The following KIAA1614 variants were observed in gnomAD, a reference collection of about 807,000 sequenced individuals.
KIAA1614 encodes the protein KIAA1614.
Under a neutral mutation model 88.7 loss-of-function variants are expected in KIAA1614, and 76 were observed. That is an observed-to-expected ratio of 0.86 (90% CI 0.71 to 1.04). The LOEUF (loss-of-function observed/expected upper bound fraction) is 1.04, where lower values mean the gene tolerates loss of function less well. KIAA1614 is among the 50% of genes least tolerant of loss of function. The pLI is 0.00. For synonymous variants in KIAA1614, 714 were observed against 675.5 expected (o/e 1.06, Z -0.88); for missense variants, 1,553 against 1,582.5 (o/e 0.98, Z 0.32).
chr1:180,942,096 C>T (rs1258120236), intron 7 of KIAA1614, among the ~76,000 whole-genome samples: 1 of 142,266 alleles, frequency 7.0e-6, no homozygotes, highest in Non-Finnish European at 1.5e-5. Flanking sequence ...TCTCCTATGC[C>T]TCCCTCCTTT....
At chr1:180,928,340 C>G in intron 3 of KIAA1614, 90 bp from the exon 4 acceptor site, 2 of 1,346,178 alleles carry the variant, frequency 1.5e-6, no homozygotes, top group Non-Finnish European at 2.0e-6. Context: ...TCTGGCACAG[C>G]CAGTGCTTGA....
At chr1:180,939,360 A>G (rs1654403604) in intron 6 of KIAA1614, among the ~76,000 whole-genome samples, 1 of 152,194 alleles carries the variant, frequency 6.6e-6, no homozygotes, top group South Asian at 2.1e-4. Flanking sequence ...GGACATCTCC[A>G]TCAGGGGGTC....
In KIAA1614 at chr1:180,916,812, A is replaced by G. The variant is rs1653818310; in HGVS notation, c.709A>G (p.Arg237Gly). The change falls in exon 2 of 9, where the codon AGG (arginine) becomes GGG (glycine). Residue 237 changes from arginine (R) to glycine (G), a missense_variant. Arg to Gly is a moderately radical substitution (Grantham distance 125, BLOSUM62 -2). Transcript: ENST00000367588. Reference sequence around the variant, plus strand: ...CAAAATCATCCACATTCCCAGCCCAAGGACAGGAAGGTCCTACCCTTTTCC... The same window carrying G: ...CAAAATCATCCACATTCCCAGCCCAGGGACAGGAAGGTCCTACCCTTTTCC... ...CNKIIHIPSP[R>G]TGRSYPFPDG... 1 of 1,614,216 alleles carries G rather than the reference A, an allele frequency of 6.2e-7. No homozygotes were observed. Among genetic ancestry groups the G allele is most frequent in the Non-Finnish European group, 8.5e-7 (1 of 1,180,026 alleles).
At chr1:180,938,090 A>G (rs1459521152) in intron 5 of KIAA1614, among the ~76,000 whole-genome samples, 2 of 152,246 alleles carry the variant, frequency 1.3e-5, no homozygotes, top group Non-Finnish European at 2.9e-5. Context: ...AGCACATAAC[A>G]GATCTCCAGA....
At chr1:180,936,700 C>T (rs572484539) in intron 5 of KIAA1614, 30 bp downstream of exon 5, 4 of 1,418,326 alleles carry the variant, frequency 2.8e-6, no homozygotes, top group East Asian at 5.0e-5. Context: ...TCCTGCCCAG[C>T]CCAGGCCTGG....
rs752012445 is a variant in KIAA1614 at position 180,945,372 on chromosome 1, C to A, written c.3357C>A (p.Thr1119=). The A allele has an allele frequency of 1.9e-6, 3 of 1,599,140 alleles. No homozygotes were observed. The Admixed American group carries it at 5.4e-5, about 29-fold the overall frequency. The change falls in exon 9 of 9, where the codon ACC becomes ACA. Residue 1119 remains threonine, a synonymous_variant. Transcript: ENST00000367588. ...TGGGTGCTCCCAGCCTGGCTCGCAC[C>A]GTGGGCCGCCTGGTGGAGGTGTTCC... is the stretch of plus-strand genomic sequence containing the variant. ...EDVGAPSLAR[T]VGRLVEVFPD...
At chr1:180,943,037 T>TG (rs1654505952) in intron 7 of KIAA1614, among the ~76,000 whole-genome samples, 1 of 147,068 alleles carries the variant, frequency 6.8e-6, no homozygotes. Flanking sequence ...GGTTTTTTTT[T>TG]TTTTTTTAAG....
chr1:180,941,616 A>G (rs957425915), intron 7 of KIAA1614, among the ~76,000 whole-genome samples: 1 of 152,024 alleles, frequency 6.6e-6, no homozygotes, highest in African/African-American at 2.4e-5. Flanking sequence ...GGCCATAGTG[A>G]CTCTGAGCCC....
chr1:180,943,655 C>G (rs1322558295), intron 7 of KIAA1614, among the ~76,000 whole-genome samples: 3 of 146,694 alleles, frequency 2.0e-5, no homozygotes, highest in African/African-American at 7.6e-5. Context: ...TCAAGTGAGT[C>G]TCCTGCTTCA....
Position 180,935,719 on chromosome 1 carries a change from T to A in KIAA1614, c.1810T>A (p.Cys604Ser), listed in dbSNP as rs747558624. The A allele has an allele frequency of 6.2e-7, 1 of 1,613,800 alleles. No homozygotes were observed. The highest frequency in any genetic ancestry group is 1.1e-5 in the South Asian group (1 of 91,082). Reference sequence around the variant, plus strand: ...GGAAACACACATCGGAGACACCGTGTGCCCTGCGGAGGTGGACTCTGCCCT... The same window carrying A: ...GGAAACACACATCGGAGACACCGTGAGCCCTGCGGAGGTGGACTCTGCCCT... ...IRETHIGDTV[C>S]PAEVDSALDS... The change falls in exon 5 of 9, where the codon TGC becomes AGC. Residue 604 changes from cysteine to serine, a missense_variant. By Grantham distance (112) the Cys-to-Ser change is moderately radical. Transcript: ENST00000367588. This position sits in a 1 kb window ranked among gnomAD's most constrained non-coding sequence, Gnocchi z 6.1.
At chr1:180,926,550 T>C (rs1460153977) in intron 3 of KIAA1614, among the ~76,000 whole-genome samples, 1 of 151,782 alleles carries the variant, frequency 6.6e-6, no homozygotes, top group Non-Finnish European at 1.5e-5. Flanking sequence ...GGAAAATGGC[T>C]TTAAAACCTG....
At chr1:180,942,041 C>A (rs1157347047) in intron 7 of KIAA1614, among the ~76,000 whole-genome samples, 4 of 152,094 alleles carry the variant, frequency 2.6e-5, no homozygotes, top group African/African-American at 7.2e-5. Flanking sequence ...TCAGGCCGAA[C>A]TGGGGCTCCA....
rs1266099777 is a variant in KIAA1614, at chr1:180,941,070, C to A, written c.2944C>A (p.Pro982Thr). Residue 982 changes from proline to threonine, a missense_variant, in exon 7 of 9, where the codon CCC becomes ACC. Pro to Thr is a conservative substitution (Grantham distance 38). Coordinates refer to ENST00000367588, the MANE Select transcript of KIAA1614 (RefSeq NM_020950.2). ...SRASAGAGTG[P>T]GSPSAAPLDQ... is the part of the protein sequence containing the mutation. Reference sequence around the variant, plus strand: ...AGCATCAGCAGGAGCTGGCACAGGACCCGGCTCCCCCTCGGCTGCCCCTTT... The same window carrying A: ...AGCATCAGCAGGAGCTGGCACAGGAACCGGCTCCCCCTCGGCTGCCCCTTT... 1 of 1,578,440 alleles carries A rather than the reference C, an allele frequency of 6.3e-7. No homozygotes were observed. The highest frequency in any genetic ancestry group is 1.1e-5 in the South Asian group (1 of 90,510).
At position 180,948,167 on chromosome 1, in the gene KIAA1614, TC is replaced by T. The variant is rs1654639484; in HGVS notation, c.*2583del. 6.6e-6 allele frequency: 1 copy of T among 152,134 alleles called. No homozygotes were observed. Among genetic ancestry groups the T allele is most frequent in the Admixed American group, 6.5e-5 (1 of 15,278 alleles). 9.4% of individuals were successfully genotyped at this position (152,134 alleles called of 1,614,324 possible). On this transcript the variant is annotated 3_prime_UTR_variant, in exon 9 of 9. Transcript: ENST00000367588. The stretch of plus-strand genomic sequence containing the variant: ...ATGGGCGCTGGATGGCACACAGGGG[TC>T]CCCACGCACATGAAGCCTGGCGAGT...
chr1:180,919,738 C>G (rs971371910), intron 3 of KIAA1614, among the ~76,000 whole-genome samples: 2 of 152,178 alleles, frequency 1.3e-5, no homozygotes, highest in African/African-American at 4.8e-5. Context: ...GAGGAGACCT[C>G]AACCATGGGG....
rs751360025 is a variant in KIAA1614, at chr1:180,944,385, T to A, written c.3160-4T>A. ...CACCCGCAATATTGTCCCTTTCTCA[T>A]CAGGTGTCACCCTCTCACCAGCGTC... On this transcript the variant is annotated splice_polypyrimidine_tract_variant and splice_region_variant and intron_variant, in intron 7 of 8. Coordinates refer to ENST00000367588, the MANE Select transcript of KIAA1614 (RefSeq NM_020950.2). 3 of 1,613,050 alleles carry A rather than the reference T, an allele frequency of 1.9e-6. No homozygotes were observed. The Admixed American group carries it at 5.0e-5, about 27-fold the overall frequency.
intron 3 of KIAA1614, among the ~76,000 whole-genome samples, chr1:180,924,579 A>G (rs1397812751): frequency 6.6e-6 from 1 of 152,110 alleles, no homozygotes; most frequent in Non-Finnish European, 1.5e-5. Context: ...CTCCTTCTCC[A>G]TTGACAGGAG....
intron 7 of KIAA1614, among the ~76,000 whole-genome samples, chr1:180,941,935 T>C (rs957350903): frequency 3.9e-5 from 6 of 152,158 alleles, no homozygotes; most frequent in Non-Finnish European, 5.9e-5. Context: ...ACTTCGAACC[T>C]TCAGGGCTCT....
chr1:180,936,459 G>A lies in KIAA1614; in HGVS notation c.2550G>A (p.Ala850=), dbSNP rs757100574. The change falls in exon 5 of 9, where the codon GCG becomes GCA. Residue 850 remains alanine (A), a synonymous_variant. Transcript: ENST00000367588. ...TCCCTCGGCCTCCTTCAAGAAGCGC[G>A]GTTCTCAGGACCTGTGAGCTGCCCC... ...VGIPRPPSRS[A]VLRTCELPPS... The A allele has an allele frequency of 3.1e-6, 5 of 1,614,032 alleles. No individual in the cohort carries two copies. The highest frequency in any genetic ancestry group is 1.1e-5 in the South Asian group (1 of 91,050).
Sources: gnomAD v4.1 joint callset for allele counts (sites outside exome capture counted in the v4.1 genomes callset) on GRCh38, gnomAD v4.1.1 for gene constraint, Gnocchi (gnomAD v3.1) non-coding constraint, MANE v1.5 for transcripts, NCBI Gene and HGNC (gene_info 2026-07-23, HGNC 2026-07-21) for gene names.